CSNK2A1: variants seen among roughly 807,000 people sequenced by gnomAD.
The protein encoded by CSNK2A1 is casein kinase II subunit alpha.
CSNK2A1 carries 10 observed loss-of-function variants against 62.9 expected under a neutral mutation model. The ratio of observed to expected loss-of-function variants is 0.16; its 90% confidence interval spans 0.10 to 0.27. The LOEUF (loss-of-function observed/expected upper bound fraction) is 0.27, where lower values mean the gene tolerates loss of function less well. Ranked by LOEUF, CSNK2A1 falls within the 10% of genes least tolerant of loss-of-function variation. CSNK2A1 has a pLI of 1.00. For missense variants in CSNK2A1, 160 were observed against 492.0 expected (o/e 0.33, Z 6.38); for synonymous variants, 124 against 167.8 (o/e 0.74, Z 2.02).
Position 523,858 on chromosome 20 carries a change from C to CAAAAAAAAA in CSNK2A1, c.-110+4066_-110+4074dup, listed in dbSNP as rs11401840. On this transcript the variant is annotated intron_variant, in intron 2 of 13. Coordinates refer to ENST00000217244, the MANE Select transcript of CSNK2A1 (RefSeq NM_177559.3). The stretch of plus-strand genomic sequence containing the variant: ...TGGGCGACAGAGCAAGACTCCATCT[C>CAAAAAAAAA]AAAAAAAAAAAAAAAAAAAAAAACT... 5.1e-3 allele frequency among the ~76,000 whole-genome samples: 231 copies of CAAAAAAAAA among 45,534 alleles called. 4 individuals are homozygous for CAAAAAAAAA. The highest frequency in any genetic ancestry group is 7.0e-3 in the Non-Finnish European group (165 of 23,600). The allele number at this position is 45,534 out of a possible 152,430, so 29.9% of individuals were successfully genotyped here. A position where few individuals can be genotyped will look rare whatever the true frequency, so the allele number is the denominator to read the frequency against.
intron 1 of CSNK2A1, 149 bp downstream of exon 1, chr20:543,523 T>C (rs908564774): frequency 1.8e-5 from 7 of 394,140 alleles, no homozygotes; most frequent in African/African-American, 1.4e-4. Flanking sequence ...TGCAGGGGCC[T>C]CGCTTGGTTT....
In CSNK2A1 at chr20:475,676, T is replaced by C. The variant is rs1197806882; in HGVS notation, c.*8285A>G. On this transcript the variant is annotated 3_prime_UTR_variant, in exon 14 of 14. Transcript: ENST00000217244. ...AGTTTTCCCAACACAGGCTCTATGCTTCCCTACTGCACTGATGTTGGGCTT... is the reference window on the plus strand; with the variant it reads ...AGTTTTCCCAACACAGGCTCTATGCCTCCCTACTGCACTGATGTTGGGCTT... 1 of 133,958 alleles carries C rather than the reference T, an allele frequency of 7.5e-6. No homozygotes were observed. The highest frequency in any genetic ancestry group is 7.5e-5 in the Admixed American group (1 of 13,270). The allele number at this position is 133,958 out of a possible 1,614,324, so 8.3% of individuals were successfully genotyped here.
In CSNK2A1 at chr20:511,748, AT is replaced by A. The variant is rs1568537120; in HGVS notation, c.-109-3089del. 1.3e-5 allele frequency among the ~76,000 whole-genome samples: 2 copies of A among 151,946 alleles called. 1 individual carries two copies. On this transcript the variant is annotated intron_variant, in intron 2 of 13. Transcript: ENST00000217244. ...CACACACACCACATTTTGCTTATCC[AT>A]TTATCTGCTGATGGACACTTGAGTT...
At chr20:537,495 T>TG (rs943798466) in intron 1 of CSNK2A1, among the ~76,000 whole-genome samples, 1 of 147,784 alleles carries the variant, frequency 6.8e-6, no homozygotes, top group Non-Finnish European at 1.5e-5. Context: ...CTTCTACATG[T>TG]GAAAAAAAAA....
intron 2 of CSNK2A1, among the ~76,000 whole-genome samples, chr20:513,665 T>G (rs1283611167): frequency 6.6e-6 from 1 of 152,192 alleles, no homozygotes. Context: ...TCACCCAGTC[T>G]TCTTCTGCTG....
intron 2 of CSNK2A1, among the ~76,000 whole-genome samples, chr20:515,429 A>G (rs113730830): frequency 1.1e-4 from 16 of 152,350 alleles, no homozygotes; most frequent in African/African-American, 3.8e-4. Context: ...TCTCAGCTTT[A>G]AGTATCTAAC....
intron 13 of CSNK2A1, among the ~76,000 whole-genome samples, chr20:485,106 A>AT (rs2018060426): frequency 4.5e-5 from 2 of 44,280 alleles, no homozygotes; most frequent in African/African-American, 8.1e-5. Flanking sequence ...AAAAAAAAAA[A>AT]AAAATATATA....
In CSNK2A1 at chr20:543,677, G is replaced by A. The variant is rs778484029; in HGVS notation, c.-232C>T. 5.0e-6 allele frequency: 2 copies of A among 398,162 alleles called. No individual in the cohort carries two copies. Among genetic ancestry groups the A allele is most frequent in the South Asian group, 1.3e-4 (1 of 7,552 alleles). The allele number at this position is 398,162 out of a possible 1,614,324, so 24.7% of individuals were successfully genotyped here. On this transcript the variant is annotated 5_prime_UTR_variant, in exon 1 of 14. Transcript: ENST00000217244. ...CCTGGCTGCTCCCTAGGTACCTGTG[G>A]TGGAAGCGGCAGCGGCGGCGGCCGC...
At chr20:504,693 A>G (rs902765002) in intron 4 of CSNK2A1, 6 of 163,350 alleles carry the variant, frequency 3.7e-5, no homozygotes, top group Non-Finnish European at 7.9e-5. Flanking sequence ...ACATCACCTA[A>G]GCAAGGGCAA....
intron 9 of CSNK2A1, 136 bp from the exon 10 acceptor site, chr20:490,017 A>C: frequency 1.6e-6 from 1 of 640,224 alleles, no homozygotes. Flanking sequence ...ATCTTCATAT[A>C]TTTCTTTTTA....
chr20:538,083 T>G (rs1299486535), intron 1 of CSNK2A1, among the ~76,000 whole-genome samples: 3 of 151,908 alleles, frequency 2.0e-5, no homozygotes, highest in Middle Eastern at 3.2e-3. Flanking sequence ...CTCAGCCTCC[T>G]GAGTAGCTGG....
intron 11 of CSNK2A1, 32 bp downstream of exon 11, chr20:488,646 C>T (rs764007004): frequency 2.4e-5 from 39 of 1,602,718 alleles, no homozygotes; most frequent in Non-Finnish European, 3.2e-5. Flanking sequence ...GTGCTTAAGC[C>T]ACAGATGCAC....
rs1352382789 is a variant in CSNK2A1, at chr20:474,633, GTTTGA to G, written c.*9323_*9327del. The G allele has an allele frequency of 7.9e-5, 12 of 152,296 alleles. No homozygotes were observed. In the South Asian group the frequency reaches 1.2e-3, roughly 16 times the overall value. 9.4% of individuals were successfully genotyped at this position (152,296 alleles called of 1,614,324 possible). ...AAAAATCTCAAAATAACATGCAACT[GTTTGA>G]TTTTTCAGTTTTAGGCATTAGTTCC... is the stretch of plus-strand genomic sequence containing the variant. On this transcript the variant is annotated 3_prime_UTR_variant, in exon 14 of 14. Transcript: ENST00000217244.
chr20:493,911 G>C lies in CSNK2A1; in HGVS notation c.511-1547C>G, dbSNP rs1299362746. ...ATGAGATCCATCCAAGTTGTTGCAT[G>C]TGTCATACTTCTTTCCTTTTTATTG... On this transcript the variant is annotated intron_variant, in intron 8 of 13. Coordinates refer to ENST00000217244, the MANE Select transcript of CSNK2A1 (RefSeq NM_177559.3). Among the ~76,000 whole-genome samples, 3 of 151,978 alleles carry C rather than the reference G, an allele frequency of 2.0e-5. No individual in the cohort carries two copies. In the South Asian group the frequency reaches 6.2e-4, roughly 32 times the overall value.
chr20:517,648 A>G (rs1337243204), intron 2 of CSNK2A1, among the ~76,000 whole-genome samples: 3 of 152,244 alleles, frequency 2.0e-5, no homozygotes, highest in African/African-American at 7.2e-5. Context: ...AATTATTCAG[A>G]TGGAAAACAT....
intron 2 of CSNK2A1, among the ~76,000 whole-genome samples, chr20:518,201 T>C (rs2018866679): frequency 6.6e-6 from 1 of 152,148 alleles, no homozygotes; most frequent in African/African-American, 2.4e-5. Flanking sequence ...CCCAGAGATA[T>C]AAGCAAGCAA....
chr20:497,645 CT>C (rs1261620328), intron 7 of CSNK2A1, 75 bp downstream of exon 7: 5 of 1,281,164 alleles, frequency 3.9e-6, no homozygotes, highest in Non-Finnish European at 5.6e-6. Flanking sequence ...AATCTGCTGG[CT>C]TTTCTACCAT....
At position 474,676 on chromosome 20, in the gene CSNK2A1, TGA is replaced by T. The variant is rs938878293; in HGVS notation, c.*9283_*9284del. On this transcript the variant is annotated 3_prime_UTR_variant, in exon 14 of 14. Coordinates refer to ENST00000217244, the MANE Select transcript of CSNK2A1 (RefSeq NM_177559.3). ...AGGCATTAGTTCCCCTTATAAATGA[TGA>T]GAGTTTAGAGCTTAGACCGCTTGTC... is the stretch of plus-strand genomic sequence containing the variant. The T allele has an allele frequency of 3.9e-5, 6 of 152,184 alleles. No individual in the cohort carries two copies. The highest frequency in any genetic ancestry group is 5.9e-5 in the Non-Finnish European group (4 of 68,030). 9.4% of individuals were successfully genotyped at this position (152,184 alleles called of 1,614,324 possible). A position where few individuals can be genotyped will look rare whatever the true frequency, so the allele number is the denominator to read the frequency against.
intron 1 of CSNK2A1, among the ~76,000 whole-genome samples, chr20:538,241 C>T (rs768680768): frequency 5.9e-5 from 9 of 152,120 alleles, no homozygotes; most frequent in Non-Finnish European, 1.2e-4. Flanking sequence ...GCCACCATGC[C>T]CGGCCAACAG....
Sources: allele counts gnomAD v4.1 joint callset (sites outside exome capture counted in the v4.1 genomes callset), GRCh38; gene constraint gnomAD v4.1.1; transcripts MANE v1.5; gene names NCBI Gene and HGNC (gene_info 2026-07-23, HGNC 2026-07-21).